The following CXCL13 variants were observed in gnomAD, a reference collection of about 807,000 sequenced individuals.
The protein encoded by CXCL13 is C-X-C motif chemokine 13.
CXCL13 carries 7 observed loss-of-function variants against 12.2 expected under a neutral mutation model. The observed-to-expected ratio is 0.57, with a 90% CI of 0.33 to 1.07. The LOEUF (loss-of-function observed/expected upper bound fraction) is 1.07, where lower values mean the gene tolerates loss of function less well. Ranked by LOEUF, CXCL13 falls within the 50% of genes least tolerant of loss-of-function variation. The pLI is 0.04. For missense variants in CXCL13, 113 were observed against 127.4 expected, an observed-to-expected ratio of 0.89 and a Z score of 0.55; for synonymous variants, 47 against 42.4, an observed-to-expected ratio of 1.11 and a Z score of -0.42.
At chr4:77,604,279 CT>C (rs1451196490), upstream of CXCL13, among the ~76,000 whole-genome samples, 1 of 152,148 alleles carries the variant, frequency 6.6e-6, no homozygotes. Context: ...CCCCACTGAG[CT>C]GTTGTAGACT....
upstream of CXCL13, among the ~76,000 whole-genome samples, chr4:77,601,133 T>G (rs1408953038): frequency 4.6e-5 from 7 of 152,190 alleles, no homozygotes; most frequent in Non-Finnish European, 7.3e-5. Context: ...GTTTTAGGTT[T>G]GTGGTGGCTT....
intron 1 of CXCL13, among the ~76,000 whole-genome samples, chr4:77,554,574 G>A (rs1020081394): frequency 6.6e-5 from 10 of 152,116 alleles, no homozygotes; most frequent in African/African-American, 2.4e-4. Flanking sequence ...TGGAATAGCA[G>A]TATCAACCAA....
At chr4:77,529,113 G>C (rs559996592) in intron 1 of CXCL13, among the ~76,000 whole-genome samples, 1 of 152,066 alleles carries the variant, frequency 6.6e-6, no homozygotes, top group East Asian at 1.9e-4. Context: ...ATTTCTGAGG[G>C]CTCTGTTCTA....
At chr4:77,527,002 G>A (rs1156741384) in intron 1 of CXCL13, among the ~76,000 whole-genome samples, 1 of 152,136 alleles carries the variant, frequency 6.6e-6, no homozygotes, top group African/African-American at 2.4e-5. Flanking sequence ...GAAAATCAGG[G>A]ACTAGAACTT....
chr4:77,547,560 C>CT (rs907760183), intron 1 of CXCL13, among the ~76,000 whole-genome samples: 24 of 151,038 alleles, frequency 1.6e-4, no homozygotes, highest in Middle Eastern at 3.4e-3. Flanking sequence ...GCAACCCCTG[C>CT]TTTTTTTTTG....
chr4:77,598,587 C>A (rs1337786807), intron 1 of CXCL13, among the ~76,000 whole-genome samples: 1 of 152,036 alleles, frequency 6.6e-6, no homozygotes, highest in Non-Finnish European at 1.5e-5. Context: ...CAAAAAGTGA[C>A]AAAAAGATGT....
At chr4:77,599,012 T>C (rs1578072058) in intron 1 of CXCL13, among the ~76,000 whole-genome samples, 2 of 152,298 alleles carry the variant, frequency 1.3e-5, no homozygotes, top group Middle Eastern at 6.8e-3. Context: ...TTTCACCATA[T>C]TGGCCAGGCT....
intron 1 of CXCL13, among the ~76,000 whole-genome samples, chr4:77,557,887 T>C (rs1262318246): frequency 6.6e-6 from 1 of 152,230 alleles, no homozygotes; most frequent in Non-Finnish European, 1.5e-5. Flanking sequence ...CTGAGCCTTT[T>C]ATTCTTTTCT....
At chr4:77,524,445 C>T (rs1482649672) in intron 1 of CXCL13, among the ~76,000 whole-genome samples, 3 of 152,212 alleles carry the variant, frequency 2.0e-5, no homozygotes, top group African/African-American at 4.8e-5. Context: ...ATGGCAGATG[C>T]CCCTCTCCCA....
At chr4:77,560,698 GT>G (rs1269517287) in intron 1 of CXCL13, among the ~76,000 whole-genome samples, 2 of 152,098 alleles carry the variant, frequency 1.3e-5, no homozygotes, top group South Asian at 4.1e-4. Flanking sequence ...CTTCATATAT[GT>G]TTCTGTTCCC....
At chr4:77,594,555 G>A (rs1273440740) in intron 1 of CXCL13, among the ~76,000 whole-genome samples, 1 of 150,734 alleles carries the variant, frequency 6.6e-6, no homozygotes, top group African/African-American at 2.5e-5. Context: ...AACATTTCAT[G>A]TCACAAATCC....
rs565151918 is a variant in CXCL13 at position 77,589,151 on chromosome 4, G to A, written c.-42-16673G>A. Among the ~76,000 whole-genome samples the A allele has an allele frequency of 1.4e-4, 22 of 152,284 alleles. No individual in the cohort carries two copies. The South Asian group carries it at 1.7e-3, about 11-fold the overall frequency. On this transcript the variant is annotated intron_variant, in intron 1 of 4. Transcript: ENST00000286758. ...ACCCTTATCAACAGTTTCGCATTCC[G>A]CAGTTTGTTATCCACAGCCAATCAC...
intron 1 of CXCL13, among the ~76,000 whole-genome samples, chr4:77,568,357 C>A (rs999187291): frequency 3.3e-5 from 5 of 152,212 alleles, no homozygotes; most frequent in African/African-American, 9.6e-5. Context: ...TAGCAGCACA[C>A]CTGGCCAACC....
At chr4:77,552,841 A>C (rs531949747) in intron 1 of CXCL13, among the ~76,000 whole-genome samples, 1 of 152,222 alleles carries the variant, frequency 6.6e-6, no homozygotes, top group Non-Finnish European at 1.5e-5. Context: ...AGAGGGTCCC[A>C]CTGCACCATA....
chr4:77,610,011 T>A (rs1311084740), intron 2 of CXCL13, among the ~76,000 whole-genome samples: 1 of 152,262 alleles, frequency 6.6e-6, no homozygotes, highest in African/African-American at 2.4e-5. Context: ...TGGTGTGTTA[T>A]AAGTACCTGA....
At chr4:77,573,360 TTTTGTGTG>T (rs1170326407) in intron 1 of CXCL13, among the ~76,000 whole-genome samples, 46 of 134,630 alleles carry the variant, frequency 3.4e-4, no homozygotes, top group African/African-American at 1.3e-3. Flanking sequence ...CTATTGGGTC[TTTTGTGTG>T]TGTGTGTGTG....
chr4:77,572,064 AT>A (rs774225278), intron 1 of CXCL13, among the ~76,000 whole-genome samples: 5 of 151,690 alleles, frequency 3.3e-5, no homozygotes, highest in Admixed American at 6.6e-5. Context: ...GACGCGCCAC[AT>A]TAAGAGCTGT....
At chr4:77,593,023 A>C (rs987136740) in intron 1 of CXCL13, among the ~76,000 whole-genome samples, 1 of 152,170 alleles carries the variant, frequency 6.6e-6, no homozygotes, top group African/African-American at 2.4e-5. Context: ...GTTTTAACTC[A>C]TATCTCTTTC....
intron 2 of CXCL13, among the ~76,000 whole-genome samples, chr4:77,609,321 G>GT (rs1429700463): frequency 1.1e-4 from 17 of 150,878 alleles, no homozygotes; most frequent in African/African-American, 3.9e-4. Context: ...GTTTTGTTTT[G>GT]TTTTGTTTTG....
Sources: allele counts gnomAD v4.1 joint callset (sites outside exome capture counted in the v4.1 genomes callset), GRCh38; gene constraint gnomAD v4.1.1; transcripts MANE v1.5; gene names NCBI Gene and HGNC (gene_info 2026-07-23, HGNC 2026-07-21).